CBX5: variants seen among roughly 807,000 people sequenced by gnomAD.
The protein encoded by CBX5 is chromobox 5, also known as chromobox protein homolog 5.
CBX5 carries 7 observed loss-of-function variants against 20.7 expected under a neutral mutation model. The observed-to-expected ratio is 0.34, with a 90% CI of 0.19 to 0.63. The LOEUF is 0.63. Ranked by LOEUF, CBX5 falls within the 30% of genes least tolerant of loss-of-function variation. The pLI is 0.75. For missense variants in CBX5, 110 were observed against 224.1 expected (o/e 0.49, Z 3.25); for synonymous variants, 78 against 77.0 (o/e 1.01, Z -0.07).
chr12:54,244,098 T>C (rs1229427195), intron 4 of CBX5, among the ~76,000 whole-genome samples: 1 of 150,156 alleles, frequency 6.7e-6, no homozygotes, highest in African/African-American at 2.4e-5. Context: ...GCCTCCCGGG[T>C]TCACACCATT....
intron 2 of CBX5, among the ~76,000 whole-genome samples, chr12:54,254,884 T>C (rs748820359): frequency 1.3e-5 from 2 of 151,730 alleles, no homozygotes; most frequent in African/African-American, 2.4e-5. Flanking sequence ...AGAAAAAAAA[T>C]TCCTCACACA....
chr12:54,251,391 C>A (rs1395638307), intron 3 of CBX5, among the ~76,000 whole-genome samples: 1 of 150,430 alleles, frequency 6.6e-6, no homozygotes, highest in Non-Finnish European at 1.5e-5. Flanking sequence ...TGGTGGCAGG[C>A]GCCTGTAGTC....
Position 54,241,715 on chromosome 12 carries a change from T to C in CBX5, c.*40A>G. 6.3e-7 allele frequency: 1 copy of C among 1,575,784 alleles called. No homozygotes were observed. The highest frequency in any genetic ancestry group is 8.6e-7 in the Non-Finnish European group (1 of 1,161,914). Reference sequence around the variant, plus strand: ...AGGAGAGGAGGCAGGGAGGTGAATGTATTATGTACAAAGAGAAATGACAGA... The same window carrying C: ...AGGAGAGGAGGCAGGGAGGTGAATGCATTATGTACAAAGAGAAATGACAGA... On this transcript the variant is annotated 3_prime_UTR_variant, in exon 5 of 5. Coordinates refer to ENST00000209875, the MANE Select transcript of CBX5 (RefSeq NM_012117.3).
chr12:54,249,414 TC>T (rs1423998616), intron 3 of CBX5, among the ~76,000 whole-genome samples: 1 of 150,006 alleles, frequency 6.7e-6, no homozygotes, highest in Admixed American at 6.7e-5. Flanking sequence ...CTGGGGTGCA[TC>T]TTAGGCACTG....
At chr12:54,260,212 C>T (rs2137023627) in intron 1 of CBX5, among the ~76,000 whole-genome samples, 1 of 150,188 alleles carries the variant, frequency 6.7e-6, no homozygotes, top group Middle Eastern at 3.5e-3. Context: ...GGTGGAGGGC[C>T]AGGTGCAGTG....
At chr12:54,279,064 G>A (rs893688061) in intron 1 of CBX5, 1 of 152,158 alleles carries the variant, frequency 6.6e-6, no homozygotes, top group Non-Finnish European at 1.5e-5. Flanking sequence ...AAACATTAAA[G>A]ATCTAATCTG....
chr12:54,252,693 A>C (rs997563523), intron 2 of CBX5, among the ~76,000 whole-genome samples: 5 of 152,156 alleles, frequency 3.3e-5, no homozygotes, highest in Admixed American at 2.6e-4. Flanking sequence ...ATAGAGACAG[A>C]AAGCAGATCA....
chr12:54,267,918 C>A (rs966858111), intron 1 of CBX5, among the ~76,000 whole-genome samples: 5 of 152,228 alleles, frequency 3.3e-5, no homozygotes, highest in Non-Finnish European at 7.4e-5. Context: ...TGGAGGCAGG[C>A]GGATCACTTG....
intron 1 of CBX5, chr12:54,259,524 C>A (rs1943895308): frequency 6.5e-6 from 1 of 152,678 alleles, no homozygotes. Flanking sequence ...CGCCCCAGTT[C>A]TTTCTTTCCC....
At chr12:54,252,980 A>C (rs1170385523) in intron 2 of CBX5, among the ~76,000 whole-genome samples, 1 of 126,292 alleles carries the variant, frequency 7.9e-6, no homozygotes, top group South Asian at 2.4e-4. Flanking sequence ...ACTCTGTCTC[A>C]AAAAAAAAAA....
intron 1 of CBX5, among the ~76,000 whole-genome samples, chr12:54,266,525 C>A (rs1943958235): frequency 6.6e-6 from 1 of 152,158 alleles, no homozygotes; most frequent in Admixed American, 6.5e-5. Flanking sequence ...GAGTTCAAGA[C>A]CAGCATGAAC....
intron 1 of CBX5, among the ~76,000 whole-genome samples, chr12:54,258,981 C>T (rs541491350): frequency 6.7e-4 from 102 of 152,178 alleles, no homozygotes; most frequent in Middle Eastern, 6.8e-3. Context: ...TAGTTGGAGA[C>T]CATATCTCCA....
intron 1 of CBX5, chr12:54,274,412 G>A (rs906911492): frequency 6.6e-6 from 1 of 152,242 alleles, no homozygotes; most frequent in African/African-American, 2.4e-5. Flanking sequence ...CCGAGTTCAC[G>A]AATAGCAGAT....
At chr12:54,244,067 TCTCGGCTCA>T (rs1481353969) in intron 4 of CBX5, among the ~76,000 whole-genome samples, 1 of 151,302 alleles carries the variant, frequency 6.6e-6, no homozygotes, top group Non-Finnish European at 1.5e-5. Flanking sequence ...AGTGACAGGA[TCTCGGCTCA>T]CTGCAAGCTC....
rs556541280 is a variant in CBX5, at chr12:54,236,316, T to C, written c.*5439A>G. 7 of 142,308 alleles carry C rather than the reference T, an allele frequency of 4.9e-5. No individual in the cohort carries two copies. In the South Asian group the frequency reaches 1.3e-3, roughly 26 times the overall value. 8.8% of individuals were successfully genotyped at this position (142,308 alleles called of 1,614,324 possible). A position where few individuals can be genotyped will look rare whatever the true frequency, so the allele number is the denominator to read the frequency against. ...TCATCATACACCAGTATGAAAGTTA[T>C]TTGAGGGCAGGGATGGCCTCTTTCT... On this transcript the variant is annotated 3_prime_UTR_variant, in exon 5 of 5. Transcript: ENST00000209875.
intron 1 of CBX5, chr12:54,276,492 C>G (rs1223173573): frequency 6.6e-6 from 1 of 152,194 alleles, no homozygotes; most frequent in Non-Finnish European, 1.5e-5. Context: ...ATGGTTTCTA[C>G]TGAATGCAAA....
At chr12:54,276,518 T>C (rs1592166310) in intron 1 of CBX5, 1 of 152,300 alleles carries the variant, frequency 6.6e-6, no homozygotes, top group East Asian at 1.9e-4. Flanking sequence ...TTCCACACCG[T>C]TGTAAAGGTG....
intron 1 of CBX5, chr12:54,274,447 G>C (rs1944040791): frequency 6.6e-6 from 1 of 152,198 alleles, no homozygotes. Context: ...ACTAAGTCAA[G>C]TGGTATCTCA....
At chr12:54,241,945 G>A (rs770577292) in intron 4 of CBX5, 40 bp from the exon 5 acceptor site, 105 of 1,589,972 alleles carry the variant, frequency 6.6e-5, no homozygotes, top group Non-Finnish European at 8.1e-5. Flanking sequence ...GAGAGGAAGA[G>A]TGAAAGAATC....
Sources: allele counts gnomAD v4.1 joint callset (sites outside exome capture counted in the v4.1 genomes callset), GRCh38; gene constraint gnomAD v4.1.1; transcripts MANE v1.5; gene names NCBI Gene and HGNC (gene_info 2026-07-23, HGNC 2026-07-21).